ARHGEF3: variants seen among roughly 807,000 people sequenced by gnomAD.
ARHGEF3 encodes the protein 59.8 kDA protein.
ARHGEF3 carries 28 observed loss-of-function variants against 63.2 expected under a neutral mutation model. The ratio of observed to expected loss-of-function variants is 0.44; its 90% CI spans 0.33 to 0.61. ARHGEF3 has a LOEUF of 0.61. ARHGEF3 is among the 20% of genes least tolerant of loss of function. The probability of loss-of-function intolerance (pLI) is 0.03; values close to 1 mark genes in which losing one functional copy is unlikely to be tolerated. For missense variants in ARHGEF3, 533 were observed against 659.3 expected, an observed-to-expected ratio of 0.81 and a Z score of 2.10; for synonymous variants, 266 against 254.2, an observed-to-expected ratio of 1.05 and a Z score of -0.44.
In ARHGEF3 at chr3:56,732,409, G is replaced by C. The variant is rs560385475; in HGVS notation, c.1057C>G (p.Leu353Val). Residue 353 changes from leucine (L) to valine (V), a missense_variant, in exon 9 of 10, where the codon CTG becomes GTG. Physicochemically the swap from Leu to Val is conservative, Grantham distance 32. Coordinates refer to ENST00000296315, the MANE Select transcript of ARHGEF3 (RefSeq NM_019555.3). ...GTGATCACAAGCACTTCTTGGAACA[G>C]GAAAACATGCAGTTTCTAGAAGAAA... is the stretch of plus-strand genomic sequence containing the variant. ...NNRGVKLHVF[L>V]FQEVLVITRA... 387 of 1,614,156 alleles carry C rather than the reference G, an allele frequency of 2.4e-4. 5 individuals are homozygous for C. In the South Asian group the frequency reaches 3.9e-3, roughly 16 times the overall value.
At chr3:56,749,902 T>G (rs2034620527) in intron 6 of ARHGEF3, among the ~76,000 whole-genome samples, 1 of 150,190 alleles carries the variant, frequency 6.7e-6, no homozygotes, top group South Asian at 2.1e-4. Flanking sequence ...AGATCAATGT[T>G]AAAACTTTCT....
At chr3:57,034,192 A>C (rs1325057658) in intron 2 of ARHGEF3, among the ~76,000 whole-genome samples, 2 of 151,688 alleles carry the variant, frequency 1.3e-5, no homozygotes, top group African/African-American at 4.8e-5. Context: ...GCTATTCACA[A>C]GTGCAATTGT....
chr3:56,787,843 C>T (rs1379327873), intron 1 of ARHGEF3, among the ~76,000 whole-genome samples: 1 of 152,140 alleles, frequency 6.6e-6, no homozygotes, highest in Non-Finnish European at 1.5e-5. Flanking sequence ...ACCCATTTCA[C>T]AGTGTAGGCA....
At chr3:57,042,919 G>C (rs1011553483) in intron 1 of ARHGEF3, among the ~76,000 whole-genome samples, 4 of 150,986 alleles carry the variant, frequency 2.6e-5, no homozygotes, top group Non-Finnish European at 5.9e-5. Context: ...GGATGGTCTT[G>C]ATCTCCTGAC....
intron 3 of ARHGEF3, among the ~76,000 whole-genome samples, chr3:56,946,291 G>A (rs1472296620): frequency 1.3e-5 from 2 of 152,208 alleles, no homozygotes; most frequent in African/African-American, 2.4e-5. Flanking sequence ...TGACTTTGAC[G>A]AGTTGAGAGA....
At chr3:56,975,757 C>T (rs1300780957) in intron 2 of ARHGEF3, 2 of 417,814 alleles carry the variant, frequency 4.8e-6, no homozygotes, top group East Asian at 7.7e-5. Context: ...AACTCAAACA[C>T]TTACTATGTA....
At position 57,041,320 on chromosome 3, in the gene ARHGEF3, C is replaced by A. The variant is rs887110279; in HGVS notation, c.-27-6144G>T. ...CCTATGAAGCGGGCACTATCACAATCCCTCTATTGAATAGTAGGAAACTGA... is the reference window on the plus strand; with the variant it reads ...CCTATGAAGCGGGCACTATCACAATACCTCTATTGAATAGTAGGAAACTGA... On this transcript the variant is annotated intron_variant, in intron 1 of 12. Transcript: ENST00000338458. Among the ~76,000 whole-genome samples, 4 of 152,152 alleles carry A rather than the reference C, an allele frequency of 2.6e-5. No individual in the cohort carries two copies. The South Asian group carries it at 6.2e-4, about 24-fold the overall frequency.
chr3:56,879,444 C>T (rs1286407540), intron 4 of ARHGEF3, among the ~76,000 whole-genome samples: 2 of 152,206 alleles, frequency 1.3e-5, no homozygotes, highest in Non-Finnish European at 2.9e-5. Context: ...CAAGAATCTA[C>T]TGTGTATCTA....
chr3:56,968,151 TAAAA>T (rs1177062312), intron 2 of ARHGEF3, among the ~76,000 whole-genome samples: 1 of 31,140 alleles, frequency 3.2e-5, no homozygotes, highest in African/African-American at 9.5e-5. Flanking sequence ...ATAATATATA[TAAAA>T]ATATATATTA....
intron 3 of ARHGEF3, among the ~76,000 whole-genome samples, chr3:56,951,299 A>G (rs1361446011): frequency 6.6e-6 from 1 of 151,980 alleles, no homozygotes; most frequent in Non-Finnish European, 1.5e-5. Context: ...AAGGAAAGAA[A>G]AAAAAGAAAG....
intron 2 of ARHGEF3, among the ~76,000 whole-genome samples, chr3:56,991,543 T>A (rs1301480773): frequency 6.6e-6 from 1 of 152,190 alleles, no homozygotes; most frequent in South Asian, 2.1e-4. Context: ...TTTGATAAAT[T>A]GCAAAAAAGA....
chr3:56,914,660 T>TAATGGTAGA (rs2041938872), intron 3 of ARHGEF3, among the ~76,000 whole-genome samples: 1 of 152,226 alleles, frequency 6.6e-6, no homozygotes, highest in Non-Finnish European at 1.5e-5. Context: ...AATAACGGAA[T>TAATGGTAGA]ATTCTTAAAG....
chr3:57,004,215 C>T (rs1702377999), intron 2 of ARHGEF3, among the ~76,000 whole-genome samples: 1 of 152,232 alleles, frequency 6.6e-6, no homozygotes, highest in South Asian at 2.1e-4. Flanking sequence ...ATGTCCTCGT[C>T]AGCCACAACT....
At chr3:56,822,035 G>GAAGCA (rs2038525188) in intron 4 of ARHGEF3, among the ~76,000 whole-genome samples, 1 of 148,224 alleles carries the variant, frequency 6.7e-6, no homozygotes, top group Non-Finnish European at 1.5e-5. Context: ...GAAGAGAAGC[G>GAAGCA]AGGAAAAGAA....
At chr3:56,963,908 T>G (rs1018841166) in intron 2 of ARHGEF3, among the ~76,000 whole-genome samples, 2 of 152,216 alleles carry the variant, frequency 1.3e-5, no homozygotes, top group African/African-American at 4.8e-5. Context: ...GTTTGCAGAA[T>G]AGAAAGCTCA....
intron 7 of ARHGEF3, among the ~76,000 whole-genome samples, chr3:56,739,090 G>A (rs1052961276): frequency 1.7e-4 from 26 of 152,090 alleles, no homozygotes; most frequent in African/African-American, 5.3e-4. Flanking sequence ...GCAAGACTCC[G>A]TCTCAAAAAA....
chr3:56,899,250 G>T (rs1578794472), intron 3 of ARHGEF3, among the ~76,000 whole-genome samples: 1 of 152,186 alleles, frequency 6.6e-6, no homozygotes, highest in African/African-American at 2.4e-5. Flanking sequence ...CCTGCAGATG[G>T]CATCTGAAGT....
intron 2 of ARHGEF3, among the ~76,000 whole-genome samples, chr3:57,016,198 T>A (rs1405965724): frequency 6.6e-6 from 1 of 152,084 alleles, no homozygotes; most frequent in Non-Finnish European, 1.5e-5. Context: ...TCACAGCACA[T>A]CCAAGTGGTA....
chr3:56,974,581 C>G (rs1701048797), intron 2 of ARHGEF3, among the ~76,000 whole-genome samples: 1 of 152,134 alleles, frequency 6.6e-6, no homozygotes, highest in African/African-American at 2.4e-5. Context: ...AATCAGTTTT[C>G]CATATTCAAA....
Sources: gnomAD v4.1 joint callset for allele counts (sites outside exome capture counted in the v4.1 genomes callset) on GRCh38, gnomAD v4.1.1 for gene constraint, MANE v1.5 for transcripts, NCBI Gene and HGNC (gene_info 2026-07-23, HGNC 2026-07-21) for gene names.